CELF2: variants seen among roughly 807,000 people sequenced by gnomAD.
CELF2 encodes the protein CUGBP Elav-like family member 2, also known as CUG triplet repeat RNA-binding protein 2.
A neutral mutation model predicts 62.6 loss-of-function variants in CELF2; 8 were observed. The ratio of observed to expected loss-of-function variants is 0.13; its 90% CI spans 0.07 to 0.23. The LOEUF (loss-of-function observed/expected upper bound fraction) is 0.23. Among genes scored for constraint, CELF2 ranks in the 10% least tolerant of loss-of-function variants. The pLI, the probability that CELF2 is intolerant of heterozygous loss-of-function variation, is 1.00. For synonymous variants in CELF2, 258 were observed against 250.0 expected (o/e 1.03, Z -0.30); for missense variants, 333 against 671.0 (o/e 0.50, Z 5.56).
chr10:10,902,441 A>C (rs1365421188), intron 1 of CELF2, among the ~76,000 whole-genome samples: 1 of 152,246 alleles, frequency 6.6e-6, no homozygotes, highest in East Asian at 1.9e-4. Flanking sequence ...TTATACAGGC[A>C]ACACCATGCG....
intron 1 of CELF2, among the ~76,000 whole-genome samples, chr10:11,152,542 C>T (rs1262812517): frequency 6.6e-6 from 1 of 152,214 alleles, no homozygotes; most frequent in South Asian, 2.1e-4. Context: ...CTTTTAACTT[C>T]CCACCCTTTC....
chr10:10,961,750 CA>C (rs1164640895), intron 2 of CELF2, among the ~76,000 whole-genome samples: 1 of 134,398 alleles, frequency 7.4e-6, no homozygotes, highest in East Asian at 2.2e-4. Context: ...GACTCTGTCT[CA>C]AAAAAAAAGA....
intron 2 of CELF2, among the ~76,000 whole-genome samples, chr10:10,982,099 G>A (rs1390380863): frequency 4.0e-5 from 6 of 151,854 alleles, no homozygotes; most frequent in Non-Finnish European, 8.8e-5. Context: ...GGGATTATAG[G>A]TGCCCACCAC....
Position 10,968,135 on chromosome 10 carries a change from A to G in CELF2, c.89+48136A>G, listed in dbSNP as rs1161284651. ...GGTTATAGAAAGGTCAACAAAACGC[A>G]CAGGGTTGGCCACCAGAGTTGATAA... On this transcript the variant is annotated intron_variant, in intron 2 of 13. Coordinates refer to the CELF2 transcript ENST00000636488. Among the ~76,000 whole-genome samples, 6 of 148,772 alleles carry G rather than the reference A, an allele frequency of 4.0e-5. No homozygotes were observed. In the East Asian group the frequency reaches 1.2e-3, roughly 29 times the overall value.
At chr10:11,025,401 G>A (rs2059027796) in intron 1 of CELF2, among the ~76,000 whole-genome samples, 2 of 152,174 alleles carry the variant, frequency 1.3e-5, no homozygotes, top group South Asian at 4.2e-4. Context: ...AGTTTCTCGT[G>A]TGCTGTCCTC....
chr10:10,777,824 A>G, the CELF2 span, among the ~76,000 whole-genome samples: 107 of 151,894 alleles, frequency 7.0e-4, no homozygotes, highest in East Asian at 0.018. Flanking sequence ...CTCCCTTATC[A>G]CTTCCTGGCC....
chr10:10,800,316 G>A (rs1055874974), intron 1 of CELF2, among the ~76,000 whole-genome samples: 2 of 151,996 alleles, frequency 1.3e-5, no homozygotes, highest in Admixed American at 6.6e-5. Flanking sequence ...TTTCATAACC[G>A]CCATTTTAAT....
chr10:10,713,522 G>A, the CELF2 span, among the ~76,000 whole-genome samples: 283 of 152,326 alleles, frequency 1.9e-3, 4 homozygotes, highest in East Asian at 0.029. Flanking sequence ...GCAGAGTGCA[G>A]TTATCCATGT....
At chr10:10,625,047 TA>T in the CELF2 span, among the ~76,000 whole-genome samples, 1 of 152,172 alleles carries the variant, frequency 6.6e-6, no homozygotes, top group Non-Finnish European at 1.5e-5. Context: ...AAATGCAAAA[TA>T]AAATGAAAAA....
At position 11,224,158 on chromosome 10, in the gene CELF2, C is replaced by A. The variant is rs1228889267; in HGVS notation, c.354+6651C>A. On this transcript the variant is annotated intron_variant, in intron 3 of 12. Coordinates refer to ENST00000633077, the MANE Select transcript of CELF2 (RefSeq NM_001326342.2). This position sits in a 1 kb window ranked among gnomAD's most constrained non-coding sequence, Gnocchi z 4.5. ...AGGATTACAGTAGGGAATAGCCACA[C>A]CACTTTTGGCCTCAGAACCCAGTGG... Among the ~76,000 whole-genome samples the A allele has an allele frequency of 6.6e-6, 1 of 152,216 alleles. No individual in the cohort carries two copies. Among genetic ancestry groups the A allele is most frequent in the Non-Finnish European group, 1.5e-5 (1 of 68,032 alleles).
At chr10:11,022,668 G>A (rs10737047) in intron 1 of CELF2, among the ~76,000 whole-genome samples, 151,051 of 152,318 alleles carry the variant, frequency 0.99, 74,912 homozygotes, top group East Asian at 1. Context: ...TTTTATTAAA[G>A]GTTAAACACT....
the CELF2 span, among the ~76,000 whole-genome samples, chr10:10,632,937 T>C: frequency 4.6e-5 from 7 of 152,232 alleles, no homozygotes; most frequent in East Asian, 7.7e-4. Flanking sequence ...TCACAGTTAA[T>C]GTTACATCTT....
chr10:10,567,771 C>A, the CELF2 span, among the ~76,000 whole-genome samples: 3 of 152,230 alleles, frequency 2.0e-5, no homozygotes, highest in South Asian at 6.2e-4. Context: ...CCCCCTTGAG[C>A]GGAGATACTT....
At chr10:11,065,797 G>A (rs923372759) in intron 1 of CELF2, among the ~76,000 whole-genome samples, 1 of 152,144 alleles carries the variant, frequency 6.6e-6, no homozygotes, top group African/African-American at 2.4e-5. Flanking sequence ...GTGAGGGGTA[G>A]GAATAGAGCA....
At chr10:10,884,748 G>C (rs2061647468) in intron 1 of CELF2, among the ~76,000 whole-genome samples, 1 of 152,176 alleles carries the variant, frequency 6.6e-6, no homozygotes, top group Non-Finnish European at 1.5e-5. Context: ...AGGAAATCTG[G>C]ACAAACTAGG....
Position 11,332,360 on chromosome 10 carries a change from G to GATCCCAGTAGGTACCTCTGAAT in CELF2, c.*3310_*3331dup, listed in dbSNP as rs2096043364. 1 of 152,212 alleles carries GATCCCAGTAGGTACCTCTGAAT rather than the reference G, an allele frequency of 6.6e-6. No individual in the cohort carries two copies. The highest frequency in any genetic ancestry group is 2.1e-4 in the South Asian group (1 of 4,824). The allele number at this position is 152,212 out of a possible 1,614,324, so 9.4% of individuals were successfully genotyped here. A position where few individuals can be genotyped will look rare whatever the true frequency, so the allele number is the denominator to read the frequency against. ...TCAGCCATTATGCTGGGGCATCTCT[G>GATCCCAGTAGGTACCTCTGAAT]ATCCCAGTAGGTACCTCTGAATATA... On this transcript the variant is annotated 3_prime_UTR_variant, in exon 13 of 13. Coordinates refer to ENST00000633077, the MANE Select transcript of CELF2 (RefSeq NM_001326342.2).
chr10:10,685,832 G>A, the CELF2 span, among the ~76,000 whole-genome samples: 7 of 152,146 alleles, frequency 4.6e-5, no homozygotes, highest in Non-Finnish European at 1.0e-4. Flanking sequence ...TGTTAGTCGG[G>A]GGAAGCTGAC....
At chr10:11,134,532 G>A (rs2060118486) in intron 1 of CELF2, among the ~76,000 whole-genome samples, 1 of 152,180 alleles carries the variant, frequency 6.6e-6, no homozygotes, top group Non-Finnish European at 1.5e-5. Context: ...TTCCAGTGCT[G>A]ATTGTCCTCG....
chr10:10,861,315 C>T (rs2060036427), intron 1 of CELF2, among the ~76,000 whole-genome samples: 1 of 152,160 alleles, frequency 6.6e-6, no homozygotes. Flanking sequence ...CTCAAGTGAT[C>T]CTCCTGCCTC....
Sources: gnomAD v4.1 joint callset for allele counts (sites outside exome capture counted in the v4.1 genomes callset) on GRCh38, gnomAD v4.1.1 for gene constraint, Gnocchi (gnomAD v3.1) non-coding constraint, MANE v1.5 for transcripts, NCBI Gene and HGNC (gene_info 2026-07-23, HGNC 2026-07-21) for gene names.